The following SLC30A7 variants were observed in gnomAD, a reference collection of about 807,000 sequenced individuals.
The protein encoded by SLC30A7 is zinc transporter 7.
Under a neutral mutation model 46.0 loss-of-function variants are expected in SLC30A7, and 35 were observed. The observed-to-expected ratio is 0.76, with a 90% confidence interval of 0.58 to 1.01. The LOEUF (loss-of-function observed/expected upper bound fraction) is 1.01, where lower values mean the gene tolerates loss of function less well. Among genes scored for constraint, SLC30A7 ranks in the 50% least tolerant of loss-of-function variants. SLC30A7 has a pLI of 0.00. For missense variants in SLC30A7, 464 were observed against 451.1 expected (o/e 1.03, Z -0.26); for synonymous variants, 147 against 157.8 (o/e 0.93, Z 0.51).
intron 8 of SLC30A7, among the ~76,000 whole-genome samples, chr1:100,933,487 T>C (rs942624821): frequency 1.3e-5 from 2 of 152,090 alleles, no homozygotes; most frequent in Admixed American, 6.5e-5. Context: ...TACATATGTG[T>C]ACATGTGCCA....
At chr1:100,972,521 T>C (rs1221464393) in intron 10 of SLC30A7, 1 of 152,820 alleles carries the variant, frequency 6.5e-6, no homozygotes, top group Non-Finnish European at 1.5e-5. Flanking sequence ...TCATTTTTTA[T>C]TACCATCTTC....
intron 10 of SLC30A7, among the ~76,000 whole-genome samples, chr1:100,969,829 A>T (rs1656058224): frequency 6.6e-6 from 1 of 152,114 alleles, no homozygotes; most frequent in Non-Finnish European, 1.5e-5. Flanking sequence ...TCCTACATTT[A>T]ATGATTTTAA....
At chr1:100,968,714 A>G (rs1655996071) in intron 10 of SLC30A7, among the ~76,000 whole-genome samples, 1 of 152,172 alleles carries the variant, frequency 6.6e-6, no homozygotes, top group South Asian at 2.1e-4. Context: ...CTGAAGCCTT[A>G]AGTGTCCCAC....
chr1:100,943,391 C>T (rs1024480196), intron 8 of SLC30A7, among the ~76,000 whole-genome samples: 1 of 152,174 alleles, frequency 6.6e-6, no homozygotes, highest in Admixed American at 6.5e-5. Flanking sequence ...GCTTCCATGT[C>T]ATTTCTAGGT....
Position 100,923,142 on chromosome 1 carries a change from G to A in SLC30A7, c.842+1301G>A, listed in dbSNP as rs1179719527. Among the ~76,000 whole-genome samples, 3 of 130,896 alleles carry A rather than the reference G, an allele frequency of 2.3e-5. 1 individual carries two copies. Among genetic ancestry groups the A allele is most frequent in the African/African-American group, 8.7e-5 (3 of 34,462 alleles). 85.9% of individuals were successfully genotyped at this position (130,896 alleles called of 152,430 possible). On this transcript the variant is annotated intron_variant, in intron 8 of 10. Transcript: ENST00000357650. Reference sequence around the variant, plus strand: ...CGCCATTCTCCTGCCTCAGCCTCCCGAGTAGCTGGGACTACAGGCGCCCGC... The same window carrying A: ...CGCCATTCTCCTGCCTCAGCCTCCCAAGTAGCTGGGACTACAGGCGCCCGC...
intron 8 of SLC30A7, among the ~76,000 whole-genome samples, chr1:100,939,955 T>C (rs759797385): frequency 7.9e-5 from 12 of 151,638 alleles, no homozygotes; most frequent in Non-Finnish European, 1.6e-4. Context: ...GAGGAGGAAG[T>C]AGTAAAAATT....
downstream of SLC30A7, among the ~76,000 whole-genome samples, chr1:100,981,958 T>A (rs531739465): frequency 1.1e-4 from 16 of 152,346 alleles, no homozygotes; most frequent in African/African-American, 3.4e-4. Context: ...ATTGTGGCTC[T>A]TAGTCAGCAT....
At chr1:100,983,189 C>T (rs1657048638), downstream of SLC30A7, among the ~76,000 whole-genome samples, 1 of 151,888 alleles carries the variant, frequency 6.6e-6, no homozygotes, top group South Asian at 2.1e-4. Context: ...GATATGGCAC[C>T]AAACTTTTCA....
At chr1:100,915,193 T>TTTCTTTCTTTCTTTC (rs1436015312) in intron 6 of SLC30A7, among the ~76,000 whole-genome samples, 1 of 90,788 alleles carries the variant, frequency 1.1e-5, no homozygotes, top group African/African-American at 4.6e-5. Context: ...CTTTTCTTTC[T>TTTCTTTCTTTCTTTC]TTTCTTTCTT....
At chr1:100,955,303 G>A (rs1248325973) in intron 8 of SLC30A7, among the ~76,000 whole-genome samples, 2 of 152,014 alleles carry the variant, frequency 1.3e-5, no homozygotes, top group African/African-American at 4.8e-5. Flanking sequence ...ATTACTGGCA[G>A]TAAAGAGTAA....
the SLC30A7 span, among the ~76,000 whole-genome samples, chr1:100,988,093 A>C: frequency 1.3e-5 from 2 of 151,368 alleles, no homozygotes. Flanking sequence ...CGGGGCATGC[A>C]CGGTTTGAGA....
chr1:100,918,228 A>T, intron 7 of SLC30A7, 101 bp downstream of exon 7: 2 of 979,650 alleles, frequency 2.0e-6, no homozygotes, highest in Non-Finnish European at 3.2e-6. Context: ...AATATAAAAC[A>T]TAGTGTTTGT....
chr1:100,968,283 A>T (rs1348531989), intron 10 of SLC30A7, among the ~76,000 whole-genome samples: 1 of 152,100 alleles, frequency 6.6e-6, no homozygotes, highest in Non-Finnish European at 1.5e-5. Context: ...CAACATGGTG[A>T]AACCCCATCT....
At chr1:100,926,852 G>A (rs1293800974) in intron 8 of SLC30A7, among the ~76,000 whole-genome samples, 1 of 152,220 alleles carries the variant, frequency 6.6e-6, no homozygotes, top group Admixed American at 6.5e-5. Flanking sequence ...TGGACTGTCA[G>A]TTGGTGACAA....
chr1:100,902,291 T>C (rs756390676), intron 2 of SLC30A7, among the ~76,000 whole-genome samples: 1 of 152,222 alleles, frequency 6.6e-6, no homozygotes, highest in Non-Finnish European at 1.5e-5. Context: ...TTAAATTTAC[T>C]TAAAATTTAA....
intron 10 of SLC30A7, among the ~76,000 whole-genome samples, chr1:100,966,457 C>T (rs569921134): frequency 3.3e-5 from 5 of 151,772 alleles, no homozygotes; most frequent in South Asian, 2.1e-4. Flanking sequence ...TGGTGACAGG[C>T]GACTGTGGTT....
At chr1:100,913,287 A>G (rs1472344761) in intron 5 of SLC30A7, among the ~76,000 whole-genome samples, 2 of 152,090 alleles carry the variant, frequency 1.3e-5, no homozygotes, top group Non-Finnish European at 2.9e-5. Flanking sequence ...TTGGGCATGA[A>G]TTTTGTCTTT....
Position 100,906,901 on chromosome 1 carries a change from A to G in SLC30A7, c.232A>G (p.Ile78Val). The change falls in exon 3 of 11, where the codon ATT (isoleucine) becomes GTT (valine). Residue 78 changes from isoleucine to valine, a missense_variant. Transcript: ENST00000357650. ...SFHMFFDSTAILAGLAASVIS... is the reference protein window; with the variant it reads ...SFHMFFDSTAVLAGLAASVIS... ...TCACATGTTTTTCGATAGCACTGCC[A>G]TTTTGGCTGGACTGGCAGCTTCTGT... 1.2e-6 allele frequency: 2 copies of G among 1,613,600 alleles called. No individual in the cohort carries two copies. The highest frequency in any genetic ancestry group is 1.7e-6 in the Non-Finnish European group (2 of 1,179,680).
At chr1:100,984,680 T>C (rs1448335016), downstream of SLC30A7, among the ~76,000 whole-genome samples, 1 of 152,164 alleles carries the variant, frequency 6.6e-6, no homozygotes, top group Non-Finnish European at 1.5e-5. Context: ...ACAAAAAGAT[T>C]GATATTCTCC....
Sources: allele counts gnomAD v4.1 joint callset (sites outside exome capture counted in the v4.1 genomes callset), GRCh38; gene constraint gnomAD v4.1.1; transcripts MANE v1.5; gene names NCBI Gene and HGNC (gene_info 2026-07-23, HGNC 2026-07-21).